The following HHLA2 variants were observed in gnomAD, a reference collection of about 807,000 sequenced individuals.
HHLA2 encodes the protein HERV-H LTR-associating protein 2.
Under a neutral mutation model 45.9 loss-of-function variants are expected in HHLA2, and 48 were observed. That is an observed-to-expected ratio of 1.05 (90% CI 0.83 to 1.33). The LOEUF is 1.33. Among genes scored for constraint, HHLA2 ranks in the 40% most tolerant of loss-of-function variants. The pLI, the probability that HHLA2 is intolerant of heterozygous loss-of-function variation, is 0.00. For missense variants in HHLA2, 462 were observed against 494.3 expected (o/e 0.93, Z 0.62); for synonymous variants, 161 against 173.9 (o/e 0.93, Z 0.59).
At chr3:108,345,566 C>T (rs1245979806) in intron 3 of HHLA2, among the ~76,000 whole-genome samples, 1 of 152,130 alleles carries the variant, frequency 6.6e-6, no homozygotes, top group East Asian at 1.9e-4. Context: ...AGAGACCAGC[C>T]CCAATTTCCA....
exon 11 of HHLA2, chr3:108,377,331 A>T: frequency 1.5e-6 from 2 of 1,344,768 alleles, no homozygotes; most frequent in Non-Finnish European, 2.1e-6. Context: ...ATATCCAGTG[A>T]CTTCATCTCC....
chr3:108,375,778 C>T, exon 9 of HHLA2: 2 of 1,611,218 alleles, frequency 1.2e-6, no homozygotes, highest in South Asian at 1.1e-5. Flanking sequence ...GGAGCAGACA[C>T]CCTGCTGATG....
At chr3:108,350,711 G>T (rs1197520788) in intron 3 of HHLA2, among the ~76,000 whole-genome samples, 2 of 152,044 alleles carry the variant, frequency 1.3e-5, no homozygotes, top group African/African-American at 4.8e-5. Context: ...TTGAGACAGA[G>T]TCTCACTGTC....
At chr3:108,372,747 T>C (rs183841420) in intron 8 of HHLA2, among the ~76,000 whole-genome samples, 4 of 151,978 alleles carry the variant, frequency 2.6e-5, no homozygotes, top group African/African-American at 9.7e-5. Context: ...ATAAATTCCT[T>C]GACACATACA....
intron 2 of HHLA2, among the ~76,000 whole-genome samples, chr3:108,313,353 C>A (rs1435560140): frequency 6.6e-6 from 1 of 152,098 alleles, no homozygotes; most frequent in Non-Finnish European, 1.5e-5. Flanking sequence ...CTGATTGGAT[C>A]CCAACCATTG....
intron 1 of HHLA2, among the ~76,000 whole-genome samples, chr3:108,306,504 C>G (rs2080932604): frequency 1.3e-5 from 2 of 152,138 alleles, no homozygotes; most frequent in Admixed American, 1.3e-4. Context: ...CCCTCTCTCT[C>G]CCTCTGTGCG....
At chr3:108,376,774 GTTC>G (rs1291272897) in intron 10 of HHLA2, 4 of 453,612 alleles carry the variant, frequency 8.8e-6, no homozygotes, top group Non-Finnish European at 1.6e-5. Context: ...ATACATGGTT[GTTC>G]TTCTTGTCTC....
intron 8 of HHLA2, among the ~76,000 whole-genome samples, chr3:108,371,529 G>A (rs571989600): frequency 6.6e-6 from 1 of 152,246 alleles, no homozygotes; most frequent in South Asian, 2.1e-4. Context: ...ACACAGAGTG[G>A]CAAATTGGAT....
chr3:108,377,141 T>C (rs1181267304), intron 10 of HHLA2, 117 bp from the exon 10 acceptor site: 2 of 668,802 alleles, frequency 3.0e-6, no homozygotes, highest in African/African-American at 1.8e-5. Context: ...ATGCAAGCAA[T>C]AGACTAAAGC....
Position 108,375,698 on chromosome 3 carries a change from C to G in HHLA2, c.1109-52C>G, listed in dbSNP as rs1011681681. 18 of 1,585,602 alleles carry G rather than the reference C, an allele frequency of 1.1e-5. No individual in the cohort carries two copies. The African/African-American group carries it at 1.9e-4, about 17-fold the overall frequency. The stretch of plus-strand genomic sequence containing the variant: ...ATACCAAGGTGACCTTACAGGGAAA[C>G]AGCTGGGAGAGTAAATACCTAATTT... On this transcript the variant is annotated intron_variant, in intron 8 of 10. Coordinates refer to ENST00000619531, the Ensembl canonical transcript of HHLA2.
chr3:108,363,876 A>AACTT (rs2082019033), intron 8 of HHLA2, among the ~76,000 whole-genome samples: 1 of 152,176 alleles, frequency 6.6e-6, no homozygotes, highest in Non-Finnish European at 1.5e-5. Flanking sequence ...ATCACTAGCA[A>AACTT]ACTTAAACTT....
At chr3:108,322,552 C>G (rs1015631448) in intron 2 of HHLA2, among the ~76,000 whole-genome samples, 1 of 152,158 alleles carries the variant, frequency 6.6e-6, no homozygotes, top group African/African-American at 2.4e-5. Context: ...GTGCTGCCCC[C>G]TGGACACAGC....
intron 5 of HHLA2, 52 bp downstream of exon 4, chr3:108,353,832 A>G: frequency 2.2e-6 from 3 of 1,366,538 alleles, no homozygotes; most frequent in Middle Eastern, 1.9e-4. Flanking sequence ...ATTCCATGTT[A>G]TTAGTAAGCG....
intron 9 of HHLA2, 57 bp from the exon 9 acceptor site, chr3:108,376,436 G>A (rs2082275897): frequency 7.4e-7 from 1 of 1,357,160 alleles, no homozygotes. Flanking sequence ...AGGACTAAGG[G>A]AGAATTTTGG....
At chr3:108,376,333 T>G (rs2082274570) in intron 9 of HHLA2, among the ~76,000 whole-genome samples, 160 bp from the exon 9 acceptor site, 1 of 152,216 alleles carries the variant, frequency 6.6e-6, no homozygotes, top group Admixed American at 6.5e-5. Context: ...TCTGATGATG[T>G]GTTTTTACAC....
At chr3:108,323,772 A>G in intron 2 of HHLA2, among the ~76,000 whole-genome samples, 1 of 152,184 alleles carries the variant, frequency 6.6e-6, no homozygotes, top group Non-Finnish European at 1.5e-5. Flanking sequence ...TCCATTTTTT[A>G]GTAGTGCTCT....
intron 2 of HHLA2, among the ~76,000 whole-genome samples, chr3:108,315,223 G>A (rs1043005133): frequency 1.3e-5 from 2 of 152,126 alleles, no homozygotes; most frequent in Non-Finnish European, 2.9e-5. Flanking sequence ...CTGAGCCCTG[G>A]ATATTCCATA....
intron 3 of HHLA2, among the ~76,000 whole-genome samples, chr3:108,340,909 TTCCTTCCTTCCTTCCTTCC>T (rs1216851012): frequency 1.6e-5 from 1 of 62,546 alleles, no homozygotes; most frequent in Admixed American, 1.4e-4. Flanking sequence ...TTTTTTTTTT[TTCCTTCCTTCCTTCCTTCC>T]TTCCTTCCTT....
intron 3 of HHLA2, among the ~76,000 whole-genome samples, chr3:108,345,523 T>G (rs1156879406): frequency 6.6e-6 from 1 of 152,248 alleles, no homozygotes; most frequent in Non-Finnish European, 1.5e-5. Context: ...TGGGTTTCTC[T>G]TGTCTCTTGG....
Sources: allele counts gnomAD v4.1 joint callset (sites outside exome capture counted in the v4.1 genomes callset), GRCh38; gene constraint gnomAD v4.1.1; transcripts MANE v1.5; gene names NCBI Gene and HGNC (gene_info 2026-07-23, HGNC 2026-07-21).